Variants in ARHGAP6 observed in about 807,000 individuals in gnomAD.
ARHGAP6 encodes the protein rho GTPase-activating protein 6.
ARHGAP6 carries 16 observed loss-of-function variants against 55.7 expected under a neutral mutation model. The observed-to-expected ratio is 0.29, with a 90% CI of 0.19 to 0.44. The LOEUF is 0.44. Among genes scored for constraint, ARHGAP6 ranks in the 20% least tolerant of loss-of-function variants. The pLI is 1.00. For missense variants in ARHGAP6, 698 were observed against 808.9 expected, an observed-to-expected ratio of 0.86 and a Z score of 1.66; for synonymous variants, 382 against 360.9, an observed-to-expected ratio of 1.06 and a Z score of -0.66.
chrX:11,353,024 C>T (rs1280437948), intron 1 of ARHGAP6, among the ~76,000 whole-genome samples: 1 of 111,667 alleles, frequency 9.0e-6, no homozygotes, highest in Middle Eastern at 4.3e-3. Context: ...ATACTTAGTA[C>T]CGTATCCATC....
intron 10 of ARHGAP6, chrX:11,148,535 C>T: frequency 4.0e-6 from 1 of 251,165 alleles, no homozygotes; most frequent in South Asian, 4.4e-5. Context: ...CGTTAGACCC[C>T]CAAACCCCAG....
chrX:11,196,179 A>AC (rs2046538566), intron 3 of ARHGAP6, among the ~76,000 whole-genome samples: 3 of 108,954 alleles, frequency 2.8e-5, no homozygotes, highest in East Asian at 2.8e-4. Flanking sequence ...ACAAAACAAA[A>AC]AAACTAATAG....
intron 1 of ARHGAP6, among the ~76,000 whole-genome samples, chrX:11,329,288 T>A: frequency 9.0e-6 from 1 of 111,692 alleles, no homozygotes; most frequent in Non-Finnish European, 1.9e-5. Flanking sequence ...ATGGGAGTAG[T>A]CATTTTTCAA....
intron 2 of ARHGAP6, among the ~76,000 whole-genome samples, chrX:11,213,208 G>A (rs2046832132): frequency 8.8e-6 from 1 of 113,060 alleles, no homozygotes; most frequent in South Asian, 3.6e-4. Context: ...GGGTGCAATG[G>A]CCATCACCCC....
chrX:11,360,525 C>T (rs1421905834), intron 1 of ARHGAP6, among the ~76,000 whole-genome samples: 1 of 109,144 alleles, frequency 9.2e-6, no homozygotes, highest in African/African-American at 3.4e-5. Flanking sequence ...TAAGAGCTAT[C>T]TATGACAAAC....
intron 2 of ARHGAP6, among the ~76,000 whole-genome samples, chrX:11,197,573 T>C (rs1041778997): frequency 8.9e-6 from 1 of 112,346 alleles, no homozygotes; most frequent in Non-Finnish European, 1.9e-5. Flanking sequence ...AAGCTCTTCA[T>C]AGGGAGTCTA....
At chrX:11,214,494 G>A (rs2046849784) in intron 2 of ARHGAP6, among the ~76,000 whole-genome samples, 1 of 112,764 alleles carries the variant, frequency 8.9e-6, no homozygotes, top group Non-Finnish European at 1.9e-5. Context: ...CGAGCCTGGG[G>A]GCAAGGTCCT....
chrX:11,523,417 T>A (rs954382607), intron 1 of ARHGAP6, among the ~76,000 whole-genome samples: 3 of 111,002 alleles, frequency 2.7e-5, no homozygotes, highest in African/African-American at 9.9e-5. Context: ...ATAAAGGGTA[T>A]TCAATTAGGA....
In ARHGAP6 at chrX:11,285,892, A is replaced by T. The variant is rs757634941; in HGVS notation, c.589-31185T>A. ...TAGTCCATTCCTGAGACTAAATTAG[A>T]TTAGTAGGGTATGATCAAATTGTGA... On this transcript the variant is annotated intron_variant, in intron 1 of 12. Transcript: ENST00000337414. Among the ~76,000 whole-genome samples the T allele has an allele frequency of 8.8e-4, 99 of 112,572 alleles. 1 individual carries two copies. In the South Asian group the frequency reaches 0.013, roughly 14 times the overall value.
chrX:11,420,574 G>A (rs983380787), intron 1 of ARHGAP6, among the ~76,000 whole-genome samples: 10 of 111,309 alleles, frequency 9.0e-5, no homozygotes, highest in Admixed American at 3.8e-4. Context: ...CCACAAACCC[G>A]CCTGCCACCC....
intron 1 of ARHGAP6, among the ~76,000 whole-genome samples, chrX:11,530,443 A>G (rs1221154600): frequency 3.6e-5 from 4 of 112,619 alleles, no homozygotes; most frequent in African/African-American, 1.3e-4. Context: ...TAAACCACAG[A>G]ACACAGAAAG....
chrX:11,389,019 A>G (rs1337894578), intron 1 of ARHGAP6, among the ~76,000 whole-genome samples: 1 of 111,732 alleles, frequency 8.9e-6, no homozygotes, highest in East Asian at 2.8e-4. Context: ...CTGATCAGTG[A>G]TTCTCAACTG....
At chrX:11,246,186 T>C (rs965281772) in intron 2 of ARHGAP6, among the ~76,000 whole-genome samples, 1 of 110,999 alleles carries the variant, frequency 9.0e-6, no homozygotes, top group East Asian at 2.8e-4. Context: ...CAAAGTGATA[T>C]GGTGATGGCA....
chrX:11,227,272 A>C, intron 2 of ARHGAP6, among the ~76,000 whole-genome samples: 1 of 112,131 alleles, frequency 8.9e-6, no homozygotes, highest in East Asian at 2.8e-4. Context: ...TTAAACTAGA[A>C]AAGTTATCCT....
chrX:11,606,349 G>A (rs767058104), intron 1 of ARHGAP6, among the ~76,000 whole-genome samples: 3 of 111,387 alleles, frequency 2.7e-5, no homozygotes, highest in South Asian at 7.6e-4. Context: ...GGGTTGTCTC[G>A]CATTTTTATT....
At chrX:11,203,026 C>T (rs914840222) in intron 2 of ARHGAP6, among the ~76,000 whole-genome samples, 4 of 109,851 alleles carry the variant, frequency 3.6e-5, no homozygotes, top group Non-Finnish European at 5.7e-5. Context: ...CTGTACCTAC[C>T]TAGTAGGCTT....
At chrX:11,160,153 A>G (rs2045921162) in intron 9 of ARHGAP6, among the ~76,000 whole-genome samples, 1 of 110,965 alleles carries the variant, frequency 9.0e-6, no homozygotes, top group African/African-American at 3.3e-5. Context: ...TTTGACATGT[A>G]ATAAAAAATT....
At chrX:11,394,138 C>T (rs2049446784) in intron 1 of ARHGAP6, among the ~76,000 whole-genome samples, 1 of 111,737 alleles carries the variant, frequency 8.9e-6, no homozygotes, top group Admixed American at 9.5e-5. Flanking sequence ...AATGTGCACT[C>T]ACAGATAAGT....
intron 1 of ARHGAP6, among the ~76,000 whole-genome samples, chrX:11,536,879 T>C (rs1028480525): frequency 1.8e-5 from 2 of 112,177 alleles, no homozygotes; most frequent in African/African-American, 6.5e-5. Flanking sequence ...AAATTACCAA[T>C]TAGAACTTTT....
Sources: gnomAD v4.1 joint callset for allele counts (sites outside exome capture counted in the v4.1 genomes callset) on GRCh38, gnomAD v4.1.1 for gene constraint, MANE v1.5 for transcripts, NCBI Gene and HGNC (gene_info 2026-07-23, HGNC 2026-07-21) for gene names.